ATAD2B: variants seen among roughly 807,000 people sequenced by gnomAD.
ATAD2B encodes ATPase family AAA domain containing 2B.
Under a neutral mutation model 167.6 loss-of-function variants are expected in ATAD2B, and 40 were observed. That is an observed-to-expected ratio of 0.24 (90% CI 0.19 to 0.31). The LOEUF (loss-of-function observed/expected upper bound fraction) is 0.31. Ranked by LOEUF, ATAD2B falls within the 10% of genes least tolerant of loss-of-function variation. The probability of loss-of-function intolerance (pLI) is 1.00; values close to 1 mark genes in which losing one functional copy is unlikely to be tolerated. For missense variants in ATAD2B, 1,242 were observed against 1,757.2 expected (o/e 0.71, Z 5.24); for synonymous variants, 579 against 596.5 (o/e 0.97, Z 0.43).
At chr2:23,875,370 C>A (rs1288347222) in intron 8 of ATAD2B, among the ~76,000 whole-genome samples, 1 of 150,156 alleles carries the variant, frequency 6.7e-6, no homozygotes, top group Non-Finnish European at 1.5e-5. Flanking sequence ...CATGGTGGCG[C>A]ACACCTGTAA....
intron 7 of ATAD2B, among the ~76,000 whole-genome samples, chr2:23,877,697 C>A (rs530418536): frequency 1.3e-5 from 2 of 150,192 alleles, no homozygotes; most frequent in South Asian, 4.2e-4. Flanking sequence ...GATCGTGAAA[C>A]CCCATCTGTA....
intron 6 of ATAD2B, among the ~76,000 whole-genome samples, chr2:23,881,941 T>C (rs1005479286): frequency 2.6e-5 from 4 of 151,984 alleles, no homozygotes; most frequent in Middle Eastern, 3.2e-3. Context: ...CAAGCTGGTC[T>C]TGAACTCCTG....
At chr2:23,679,020 A>G in the ATAD2B span, among the ~76,000 whole-genome samples, 1 of 150,094 alleles carries the variant, frequency 6.7e-6, no homozygotes, top group South Asian at 2.1e-4. Flanking sequence ...ACTGAACTGG[A>G]CACTTTAAAA....
chr2:23,888,441 T>G (rs72790306), intron 2 of ATAD2B, 42 bp from the exon 3 acceptor site: 159,144 of 1,276,918 alleles, frequency 0.12, 10,472 homozygotes, highest in Middle Eastern at 0.17. Context: ...CATCAACATT[T>G]GCTTATATAA....
the ATAD2B span, among the ~76,000 whole-genome samples, chr2:23,739,337 T>C: frequency 6.6e-6 from 1 of 151,798 alleles, no homozygotes; most frequent in Non-Finnish European, 1.5e-5. Flanking sequence ...GAACAGAAAT[T>C]ATAACAAACT....
chr2:23,834,071 C>A lies in ATAD2B; in HGVS notation c.1576G>T (p.Val526Leu). ...TCCATAAGAGCAAGGAGGGTTGATA[C>A]TATAGAGCTGTAAAATAATTTTCAG... ...SRQDQIHSSI[V>L]STLLALMDGL... Residue 526 changes from valine (V) to leucine (L), a missense_variant, in exon 14 of 28, where the codon GTA becomes TTA. Around this residue, in one of 9 missense-constraint regions of ATAD2B, gnomAD observed 151 missense variants for 284.1 expected, o/e 0.53. Coordinates refer to ENST00000238789, the MANE Select transcript of ATAD2B (RefSeq NM_017552.4). 3 of 1,523,150 alleles carry A rather than the reference C, an allele frequency of 2.0e-6. No homozygotes were observed. The highest frequency in any genetic ancestry group is 2.7e-6 in the Non-Finnish European group (3 of 1,131,654). 94.4% of individuals were successfully genotyped at this position (1,523,150 alleles called of 1,614,324 possible).
At chr2:23,924,010 G>A (rs2150722929) in intron 1 of ATAD2B, among the ~76,000 whole-genome samples, 1 of 152,194 alleles carries the variant, frequency 6.6e-6, no homozygotes, top group Admixed American at 6.5e-5. Flanking sequence ...GTGAAACCCC[G>A]TCTCTAATAA....
At chr2:23,821,316 T>A (rs1321894390) in intron 16 of ATAD2B, among the ~76,000 whole-genome samples, 1 of 152,250 alleles carries the variant, frequency 6.6e-6, no homozygotes, top group Non-Finnish European at 1.5e-5. Flanking sequence ...GAGGTTTTTA[T>A]GATTTTCTAA....
chr2:23,728,473 A>G, the ATAD2B span, among the ~76,000 whole-genome samples: 1 of 152,218 alleles, frequency 6.6e-6, no homozygotes, highest in Admixed American at 6.5e-5. Context: ...AATATTTTAC[A>G]TACTACGAAA....
At chr2:23,686,599 C>T in the ATAD2B span, among the ~76,000 whole-genome samples, 1 of 152,044 alleles carries the variant, frequency 6.6e-6, no homozygotes, top group Non-Finnish European at 1.5e-5. Context: ...TCAGAGGTCA[C>T]GGGCATCAGA....
At chr2:23,882,829 A>C (rs1367386177) in intron 6 of ATAD2B, among the ~76,000 whole-genome samples, 4 of 152,070 alleles carry the variant, frequency 2.6e-5, no homozygotes, top group African/African-American at 4.8e-5. Context: ...AACAACAAAA[A>C]AAAAAAGATC....
chr2:23,694,727 GC>G, the ATAD2B span, among the ~76,000 whole-genome samples: 2 of 152,230 alleles, frequency 1.3e-5, no homozygotes, highest in Admixed American at 1.3e-4. Flanking sequence ...CTCTACACGG[GC>G]TTCGAATGTC....
chr2:23,798,813 T>C (rs1683010206), intron 18 of ATAD2B, among the ~76,000 whole-genome samples: 1 of 152,166 alleles, frequency 6.6e-6, no homozygotes, highest in Non-Finnish European at 1.5e-5. Flanking sequence ...CCCTAGAGCT[T>C]AAAATTAATG....
intron 18 of ATAD2B, among the ~76,000 whole-genome samples, chr2:23,801,134 A>G (rs1683427723): frequency 6.6e-6 from 1 of 152,106 alleles, no homozygotes; most frequent in Non-Finnish European, 1.5e-5. Context: ...CTTTAGATTT[A>G]TAACCAGTCT....
chr2:23,837,279 G>T (rs1488462109), intron 13 of ATAD2B, among the ~76,000 whole-genome samples: 1 of 152,222 alleles, frequency 6.6e-6, no homozygotes, highest in South Asian at 2.1e-4. Context: ...GCGCAGGAGT[G>T]GGGAGAGGCC....
the ATAD2B span, chr2:23,695,913 A>G: frequency 1.9e-6 from 3 of 1,545,466 alleles, no homozygotes; most frequent in Admixed American, 2.0e-5. The surrounding 1 kb of genome is among the most constrained non-coding windows in gnomAD (Gnocchi z 7.6). Context: ...CGACAGTCTT[A>G]GAGTGTGTCC....
At chr2:23,729,216 A>C in the ATAD2B span, among the ~76,000 whole-genome samples, 1 of 152,208 alleles carries the variant, frequency 6.6e-6, no homozygotes, top group Non-Finnish European at 1.5e-5. Context: ...GAAATTAAAT[A>C]TGCTAAATGA....
At chr2:23,868,010 A>T in intron 9 of ATAD2B, 64 bp from the exon 10 acceptor site, 1 of 1,080,612 alleles carries the variant, frequency 9.3e-7, no homozygotes, top group South Asian at 1.3e-5. Context: ...TGTCAAAATA[A>T]GTTTACATTC....
At chr2:23,726,701 A>G in the ATAD2B span, among the ~76,000 whole-genome samples, 1 of 152,230 alleles carries the variant, frequency 6.6e-6, no homozygotes, top group Admixed American at 6.5e-5. Flanking sequence ...GACATGTGCT[A>G]CAACATAGAT....
Sources: gnomAD v4.1 joint callset for allele counts (sites outside exome capture counted in the v4.1 genomes callset) on GRCh38, gnomAD v4.1.1 for gene constraint, gnomAD v4.1.1 regional missense constraint, Gnocchi (gnomAD v3.1) non-coding constraint, MANE v1.5 for transcripts, NCBI Gene and HGNC (gene_info 2026-07-23, HGNC 2026-07-21) for gene names.